CNTNAP2: variants seen among roughly 807,000 people sequenced by gnomAD.
CNTNAP2 encodes the protein contactin-associated protein-like 2.
CNTNAP2 carries 98 observed loss-of-function variants against 155.2 expected under a neutral mutation model. The ratio of observed to expected loss-of-function variants is 0.63; its 90% CI spans 0.54 to 0.75. CNTNAP2 has a LOEUF of 0.75. Ranked by LOEUF, CNTNAP2 falls within the 30% of genes least tolerant of loss-of-function variation. The pLI, the probability that CNTNAP2 is intolerant of heterozygous loss-of-function variation, is 0.00. For missense variants in CNTNAP2, 1,727 were observed against 1,688.1 expected, an observed-to-expected ratio of 1.02 and a Z score of -0.40; for synonymous variants, 651 against 631.2, an observed-to-expected ratio of 1.03 and a Z score of -0.47.
chr7:147,822,721 C>G (rs1335790826), intron 13 of CNTNAP2, among the ~76,000 whole-genome samples: 1 of 152,044 alleles, frequency 6.6e-6, no homozygotes, highest in Non-Finnish European at 1.5e-5. Flanking sequence ...TAATAGGATG[C>G]CAAGTGGATG....
intron 14 of CNTNAP2, among the ~76,000 whole-genome samples, chr7:147,946,443 T>C (rs1800820967): frequency 6.6e-6 from 1 of 151,930 alleles, no homozygotes; most frequent in Admixed American, 6.6e-5. Flanking sequence ...ATAAACCAGA[T>C]AGCTTGGTTT....
intron 3 of CNTNAP2, among the ~76,000 whole-genome samples, chr7:146,924,094 CT>C (rs1796559147): frequency 6.6e-6 from 1 of 152,012 alleles, no homozygotes; most frequent in Non-Finnish European, 1.5e-5. Flanking sequence ...TGAATGAATT[CT>C]TGTAACTAAA....
chr7:147,804,953 C>T (rs938614845), intron 13 of CNTNAP2, among the ~76,000 whole-genome samples: 4 of 152,194 alleles, frequency 2.6e-5, no homozygotes, highest in Non-Finnish European at 4.4e-5. Flanking sequence ...CATCAGGGCA[C>T]TTGTCTCACC....
intron 1 of CNTNAP2, among the ~76,000 whole-genome samples, chr7:146,624,379 A>T (rs1031863306): frequency 6.6e-6 from 1 of 152,068 alleles, no homozygotes; most frequent in Non-Finnish European, 1.5e-5. Context: ...TTTTACATTT[A>T]GAACTATGAT....
In CNTNAP2 at chr7:148,370,638, C is replaced by A. The variant is rs553610066; in HGVS notation, c.3476-13011C>A. Reference sequence around the variant, plus strand: ...TTCTCCCCTGCATGGCTGGTCCCCCCCTACCCCTGCCCTTCCCTGGTGTTT... The same window carrying A: ...TTCTCCCCTGCATGGCTGGTCCCCCACTACCCCTGCCCTTCCCTGGTGTTT... On this transcript the variant is annotated intron_variant, in intron 21 of 23. Transcript: ENST00000361727. Among the ~76,000 whole-genome samples, 3 of 134,878 alleles carry A rather than the reference C, an allele frequency of 2.2e-5. 1 individual carries two copies. The South Asian group carries it at 6.8e-4, about 30-fold the overall frequency. 88.5% of individuals were successfully genotyped at this position (134,878 alleles called of 152,430 possible). A position where few individuals can be genotyped will look rare whatever the true frequency, so the allele number is the denominator to read the frequency against.
chr7:147,932,975 C>G (rs1263301941), intron 14 of CNTNAP2, among the ~76,000 whole-genome samples: 1 of 152,058 alleles, frequency 6.6e-6, no homozygotes, highest in Non-Finnish European at 1.5e-5. Flanking sequence ...TTCAACATCA[C>G]TAATCATAGG....
At chr7:147,011,374 G>T (rs1798619565) in intron 3 of CNTNAP2, among the ~76,000 whole-genome samples, 1 of 127,062 alleles carries the variant, frequency 7.9e-6, no homozygotes, top group Admixed American at 1.0e-4. Context: ...AGCCAAGATT[G>T]CACCACTTCA....
At chr7:146,947,251 T>C (rs1290057562) in intron 3 of CNTNAP2, among the ~76,000 whole-genome samples, 2 of 151,580 alleles carry the variant, frequency 1.3e-5, no homozygotes, top group South Asian at 2.1e-4. Context: ...AGTGGTGGTG[T>C]ACATTTTGAG....
At chr7:146,263,456 G>C (rs748485220) in intron 1 of CNTNAP2, among the ~76,000 whole-genome samples, 4 of 152,162 alleles carry the variant, frequency 2.6e-5, no homozygotes, top group Admixed American at 6.5e-5. Context: ...AAAGAAAATC[G>C]TAGAAAAATA....
At chr7:147,060,343 A>G (rs998460160) in intron 4 of CNTNAP2, among the ~76,000 whole-genome samples, 4 of 152,234 alleles carry the variant, frequency 2.6e-5, no homozygotes, top group African/African-American at 9.6e-5. Context: ...AATGGCAACA[A>G]CAACAAAAAT....
chr7:146,172,032 A>ATTTTTTTTTTTTTTTTTTTTT (rs61619996), intron 1 of CNTNAP2, among the ~76,000 whole-genome samples: 1 of 67,612 alleles, frequency 1.5e-5, no homozygotes. Flanking sequence ...TGCTCTTAGT[A>ATTTTTTTTTTTTTTTTTTTTT]TTTTTTTTTT....
chr7:147,021,121 C>T (rs1256563840), intron 3 of CNTNAP2, among the ~76,000 whole-genome samples: 1 of 152,176 alleles, frequency 6.6e-6, no homozygotes, highest in African/African-American at 2.4e-5. Context: ...GGTACGCAGG[C>T]TGCATGCAGC....
At chr7:148,087,905 A>G (rs1341649710) in intron 15 of CNTNAP2, among the ~76,000 whole-genome samples, 6 of 152,154 alleles carry the variant, frequency 3.9e-5, no homozygotes, top group Admixed American at 2.0e-4. Context: ...TTTTTTCCAA[A>G]TAAGATTATA....
chr7:147,256,688 G>C (rs887911076), intron 8 of CNTNAP2, among the ~76,000 whole-genome samples: 7 of 152,152 alleles, frequency 4.6e-5, no homozygotes, highest in African/African-American at 1.7e-4. Context: ...TGAAACCTGA[G>C]GACTAACATG....
At chr7:147,230,446 C>T (rs555302727) in intron 8 of CNTNAP2, among the ~76,000 whole-genome samples, 44 of 152,040 alleles carry the variant, frequency 2.9e-4, no homozygotes, top group African/African-American at 9.4e-4. Context: ...TTAGTAGAGA[C>T]GGGGTTTTGC....
Position 146,188,849 on chromosome 7 carries a change from C to T in CNTNAP2, c.97+71876C>T, listed in dbSNP as rs542450620. On this transcript the variant is annotated intron_variant, in intron 1 of 23. Coordinates refer to ENST00000361727, the MANE Select transcript of CNTNAP2 (RefSeq NM_014141.6). ...ATTTGACATCCCAATTTGGCTATTT[C>T]TAGGCCATATGAGTAATGTCATAAC... Among the ~76,000 whole-genome samples, 226 of 152,274 alleles carry T rather than the reference C, an allele frequency of 1.5e-3. 1 individual carries two copies. Among genetic ancestry groups the T allele is most frequent in the African/African-American group, 5.4e-3 (223 of 41,554 alleles).
chr7:148,351,744 C>CAAAAAAAAAAAAAAAAAAAAAA lies in CNTNAP2; in HGVS notation c.3476-31889_3476-31888insAAAAAAAAAAAAAAAAAAAAAA, dbSNP rs71188974. Among the ~76,000 whole-genome samples, 164 of 85,354 alleles carry CAAAAAAAAAAAAAAAAAAAAAA rather than the reference C, an allele frequency of 1.9e-3. 4 individuals carry two copies. Among genetic ancestry groups the CAAAAAAAAAAAAAAAAAAAAAA allele is most frequent in the African/African-American group, 4.2e-3 (81 of 19,500 alleles). The allele number at this position is 85,354 out of a possible 152,430, so 56.0% of individuals were successfully genotyped here. ...GGCAACAGAGTGAGACTCTGTCTCA[C>CAAAAAAAAAAAAAAAAAAAAAA]AAAAAAAAAAAAAAAATAGAAACCG... On this transcript the variant is annotated intron_variant, in intron 21 of 23. Coordinates refer to ENST00000361727, the MANE Select transcript of CNTNAP2 (RefSeq NM_014141.6).
chr7:147,383,797 G>A (rs143858343), intron 9 of CNTNAP2, among the ~76,000 whole-genome samples: 246 of 151,940 alleles, frequency 1.6e-3, no homozygotes, highest in Non-Finnish European at 2.5e-3. Context: ...AATAAAAATC[G>A]TTTATGAATC....
chr7:148,284,103 T>C (rs1382564654), intron 21 of CNTNAP2, among the ~76,000 whole-genome samples: 1 of 152,256 alleles, frequency 6.6e-6, no homozygotes, highest in African/African-American at 2.4e-5. Flanking sequence ...TATGTTTTTA[T>C]ATTATTTTGC....
Sources: gnomAD v4.1 joint callset for allele counts (sites outside exome capture counted in the v4.1 genomes callset) on GRCh38, gnomAD v4.1.1 for gene constraint, MANE v1.5 for transcripts, NCBI Gene and HGNC (gene_info 2026-07-23, HGNC 2026-07-21) for gene names.